KCNQ1: variants seen among roughly 807,000 people sequenced by gnomAD.
KCNQ1 encodes the protein potassium voltage-gated channel subfamily KQT member 1.
In KCNQ1, 49 loss-of-function variants were observed where a neutral mutation model predicts 72.4. The ratio of observed to expected loss-of-function variants is 0.68; its 90% confidence interval spans 0.54 to 0.86. KCNQ1 has a LOEUF of 0.86. Ranked by LOEUF, KCNQ1 falls within the 40% of genes least tolerant of loss-of-function variation. KCNQ1 has a pLI of 0.00. For missense variants in KCNQ1, 790 were observed against 945.1 expected (o/e 0.84, Z 2.15); for synonymous variants, 450 against 412.6 (o/e 1.09, Z -1.10).
At position 2,713,232 on chromosome 11, in the gene KCNQ1, C is replaced by T. The variant is rs896509078; in HGVS notation, c.1514+51151C>T. ...TACTTGCTTGGTGTCCCGAGCCAGC[C>T]GGACCTGCATCCCGCTCCTCCTCCG... is the stretch of plus-strand genomic sequence containing the variant. On this transcript the variant is annotated intron_variant, in intron 11 of 15. Coordinates refer to ENST00000155840, the MANE Select transcript of KCNQ1 (RefSeq NM_000218.3). This position sits in a 1 kb window ranked among gnomAD's most constrained non-coding sequence, Gnocchi z 5.6. Among the ~76,000 whole-genome samples the T allele has an allele frequency of 9.2e-5, 14 of 152,086 alleles. No individual in the cohort carries two copies. Among genetic ancestry groups the T allele is most frequent in the Admixed American group, 2.6e-4 (4 of 15,276 alleles).
intron 11 of KCNQ1, among the ~76,000 whole-genome samples, chr11:2,728,192 C>T (rs1845798101): frequency 1.3e-5 from 2 of 152,168 alleles, no homozygotes; most frequent in Non-Finnish European, 1.5e-5. Context: ...CTTTTGCCCC[C>T]TCCACCTCTG....
chr11:2,607,931 A>G (rs989572111), intron 10 of KCNQ1, among the ~76,000 whole-genome samples: 5 of 152,250 alleles, frequency 3.3e-5, no homozygotes, highest in Non-Finnish European at 7.3e-5. Context: ...TACAAAAATC[A>G]ATAGTATTCC....
At chr11:2,842,219 C>A (rs886702750) in intron 15 of KCNQ1, among the ~76,000 whole-genome samples, 16 of 152,190 alleles carry the variant, frequency 1.1e-4, no homozygotes, top group Non-Finnish European at 2.9e-5. Flanking sequence ...GGGGCTGCCA[C>A]GACGCTCGAC....
intron 1 of KCNQ1, among the ~76,000 whole-genome samples, chr11:2,502,019 A>G (rs1251925466): frequency 1.3e-5 from 2 of 152,208 alleles, no homozygotes; most frequent in African/African-American, 4.8e-5. Context: ...AAACTGTCAA[A>G]AACCTAGGTA....
chr11:2,820,564 CTGTTTGTTTGTT>C (rs3079085), intron 15 of KCNQ1, among the ~76,000 whole-genome samples: 4 of 151,716 alleles, frequency 2.6e-5, no homozygotes, highest in African/African-American at 4.8e-5. Flanking sequence ...ACTTACCTTG[CTGTTTGTTTGTT>C]TGTTTGTTTG....
chr11:2,645,085 G>C lies in KCNQ1; in HGVS notation c.1394-16876G>C. 2.5e-6 allele frequency: 1 copy of C among 398,644 alleles called. No individual in the cohort carries two copies. Among genetic ancestry groups the C allele is most frequent in the Non-Finnish European group, 4.4e-6 (1 of 226,134 alleles). 24.7% of individuals were successfully genotyped at this position (398,644 alleles called of 1,614,324 possible). A position where few individuals can be genotyped will look rare whatever the true frequency, so the allele number is the denominator to read the frequency against. Reference sequence around the variant, plus strand: ...CAGAGCTGGGCCACAGGGTGGGTAGGTCCTTGAGCTCTGAGCAGCAGATAT... The same window carrying C: ...CAGAGCTGGGCCACAGGGTGGGTAGCTCCTTGAGCTCTGAGCAGCAGATAT... On this transcript the variant is annotated intron_variant, in intron 10 of 15. Coordinates refer to ENST00000155840, the MANE Select transcript of KCNQ1 (RefSeq NM_000218.3). This position sits in a 1 kb window ranked among gnomAD's most constrained non-coding sequence, Gnocchi z 5.8.
chr11:2,585,400 C>A (rs1848579344), intron 8 of KCNQ1, 93 bp downstream of exon 8: 2 of 1,148,548 alleles, frequency 1.7e-6, no homozygotes, highest in Non-Finnish European at 2.6e-6. Flanking sequence ...CCATCATTGG[C>A]CCCTGCATCA....
At chr11:2,648,453 A>G (rs1370934098) in intron 10 of KCNQ1, 2 of 398,288 alleles carry the variant, frequency 5.0e-6, no homozygotes, top group East Asian at 7.1e-5. Flanking sequence ...TACCCTATAC[A>G]TTTTTGTATG....
chr11:2,585,372 C>A (rs990516547), intron 8 of KCNQ1, 65 bp downstream of exon 8: 4 of 1,398,792 alleles, frequency 2.9e-6, no homozygotes, highest in Non-Finnish European at 4.0e-6. Flanking sequence ...ATCCAGCCCT[C>A]ACGGCCACCT....
Position 2,848,631 on chromosome 11 carries a change from G to A in KCNQ1, c.*628G>A. The stretch of plus-strand genomic sequence containing the variant: ...AGGGACAGTCTCACCATTTCCCCAG[G>A]GCACGTGGTTGAGTGGGGGGAACGC... On this transcript the variant is annotated 3_prime_UTR_variant, in exon 16 of 16. Transcript: ENST00000155840. 2.2e-6 allele frequency: 1 copy of A among 452,248 alleles called. No homozygotes were observed. Among genetic ancestry groups the A allele is most frequent in the South Asian group, 1.6e-5 (1 of 64,444 alleles). 28.0% of individuals were successfully genotyped at this position (452,248 alleles called of 1,614,324 possible).
Position 2,450,671 on chromosome 11 carries a change from C to T in KCNQ1, c.386+5187C>T, listed in dbSNP as rs1017433003. On this transcript the variant is annotated intron_variant, in intron 1 of 15. Coordinates refer to ENST00000155840, the MANE Select transcript of KCNQ1 (RefSeq NM_000218.3). The surrounding 1 kb of genome is among the most constrained non-coding windows in gnomAD (Gnocchi z 7.9). Reference sequence around the variant, plus strand: ...ACCCCTTCCTGGTGGGTAGCTGTCTCTCTCCAGCAGCTCCTCCAACCACCA... The same window carrying T: ...ACCCCTTCCTGGTGGGTAGCTGTCTTTCTCCAGCAGCTCCTCCAACCACCA... 6.6e-5 allele frequency among the ~76,000 whole-genome samples: 10 copies of T among 152,108 alleles called. No homozygotes were observed. Among genetic ancestry groups the T allele is most frequent in the Admixed American group, 6.5e-4 (10 of 15,280 alleles).
rs1846780037 is a variant in KCNQ1, at chr11:2,488,561, C to A, written c.387-39367C>A. 4.6e-5 allele frequency among the ~76,000 whole-genome samples: 7 copies of A among 152,102 alleles called. No homozygotes were observed. In the South Asian group the frequency reaches 1.5e-3, roughly 32 times the overall value. On this transcript the variant is annotated intron_variant, in intron 1 of 15. Coordinates refer to ENST00000155840, the MANE Select transcript of KCNQ1 (RefSeq NM_000218.3). The surrounding 1 kb of genome is among the most constrained non-coding windows in gnomAD (Gnocchi z 5.1). ...ATAGGTCCATGAAGATTTTGTATTTCTTTGTGATTTAGTTTTGGTAGGTTT... is the reference window on the plus strand; with the variant it reads ...ATAGGTCCATGAAGATTTTGTATTTATTTGTGATTTAGTTTTGGTAGGTTT...
At chr11:2,629,119 T>A (rs765681145) in intron 10 of KCNQ1, 1 of 398,314 alleles carries the variant, frequency 2.5e-6, no homozygotes, top group Non-Finnish European at 4.4e-6. Flanking sequence ...TTTGTCTATA[T>A]CTGTGAAAAA....
At chr11:2,648,971 TTTTC>T (rs1213494654) in intron 10 of KCNQ1, 11 of 383,726 alleles carry the variant, frequency 2.9e-5, no homozygotes, top group Middle Eastern at 6.3e-4. Context: ...TTTGTCTCTT[TTTTC>T]TTTTTCTTTT....
rs909297195 is a variant in KCNQ1, at chr11:2,732,777, C to T, written c.1515-36067C>T. ...CAAACATATTTATTGTGGCCGCCAC[C>T]GAGGCCTCGCCTTGCAGCCGGAGCC... On this transcript the variant is annotated intron_variant, in intron 11 of 15. Coordinates refer to ENST00000155840, the MANE Select transcript of KCNQ1 (RefSeq NM_000218.3). 3.9e-5 allele frequency among the ~76,000 whole-genome samples: 6 copies of T among 152,174 alleles called. No homozygotes were observed. In the East Asian group the frequency reaches 5.8e-4, roughly 15 times the overall value.
chr11:2,786,041 C>T (rs1450954316), intron 15 of KCNQ1, among the ~76,000 whole-genome samples: 1 of 151,940 alleles, frequency 6.6e-6, no homozygotes, highest in Non-Finnish European at 1.5e-5. Context: ...ACCCATTTGC[C>T]TCTTTGTCAT....
chr11:2,496,681 A>T (rs567165132), intron 1 of KCNQ1, among the ~76,000 whole-genome samples: 1 of 152,042 alleles, frequency 6.6e-6, no homozygotes, highest in East Asian at 1.9e-4. Flanking sequence ...TAGCCCATTT[A>T]CATTTAACGT....
At chr11:2,688,795 CCA>C in intron 11 of KCNQ1, 1 of 398,778 alleles carries the variant, frequency 2.5e-6, no homozygotes, top group Non-Finnish European at 4.4e-6. Context: ...TTGCCCTCCC[CCA>C]CACACAGCCC....
intron 1 of KCNQ1, among the ~76,000 whole-genome samples, chr11:2,489,833 T>C (rs1318890800): frequency 6.6e-6 from 1 of 152,258 alleles, no homozygotes; most frequent in South Asian, 2.1e-4. Flanking sequence ...CATCATCAGC[T>C]GACTAAAGAG....
Sources: allele counts gnomAD v4.1 joint callset (sites outside exome capture counted in the v4.1 genomes callset), GRCh38; gene constraint gnomAD v4.1.1; non-coding constraint Gnocchi (gnomAD v3.1); transcripts MANE v1.5; gene names NCBI Gene and HGNC (gene_info 2026-07-23, HGNC 2026-07-21).